Variants in PCDH15 observed in about 807,000 individuals in gnomAD.
PCDH15 encodes the protein protocadherin related 15, also known as protocadherin-15.
A neutral mutation model predicts 178.5 loss-of-function variants in PCDH15; 129 were observed. The ratio of observed to expected loss-of-function variants is 0.72; its 90% CI spans 0.63 to 0.84. PCDH15 has a LOEUF of 0.84. Ranked by LOEUF, PCDH15 falls within the 40% of genes least tolerant of loss-of-function variation. The pLI is 0.00. For synonymous variants in PCDH15, 800 were observed against 732.0 expected (o/e 1.09, Z -1.50); for missense variants, 2,230 against 2,099.9 (o/e 1.06, Z -1.21).
At chr10:55,543,139 G>T (rs914144916) in intron 2 of PCDH15, among the ~76,000 whole-genome samples, 30 of 146,116 alleles carry the variant, frequency 2.1e-4, no homozygotes, top group Non-Finnish European at 3.6e-4. Context: ...GTCTATATAG[G>T]TACATACAGA....
At chr10:54,977,185 A>C (rs1374276461) in intron 2 of PCDH15, among the ~76,000 whole-genome samples, 2 of 152,192 alleles carry the variant, frequency 1.3e-5, no homozygotes, top group African/African-American at 2.4e-5. Context: ...TCCATCTTGC[A>C]TAGGGTCTGG....
chr10:54,468,515 T>C (rs1225886459), intron 3 of PCDH15, among the ~76,000 whole-genome samples: 1 of 152,108 alleles, frequency 6.6e-6, no homozygotes, highest in East Asian at 1.9e-4. Context: ...GAGAAGATAC[T>C]TGGTATATTT....
intron 2 of PCDH15, among the ~76,000 whole-genome samples, chr10:54,929,772 T>C (rs927902117): frequency 1.3e-5 from 2 of 152,212 alleles, no homozygotes; most frequent in African/African-American, 4.8e-5. Flanking sequence ...CTATCTCACA[T>C]AGCAACAATC....
rs147573757 is a variant in PCDH15 at position 53,947,554 on chromosome 10, TA to T, written c.3123-6580del. ...TTTAATAAAAATGGGAAGGGAAGAATAAAAAAAAAACACCCACTAGAACTCC... is the reference window on the plus strand; with the variant it reads ...TTTAATAAAAATGGGAAGGGAAGAATAAAAAAAAACACCCACTAGAACTCC... On this transcript the variant is annotated intron_variant, in intron 23 of 37. Transcript: ENST00000644397. Among the ~76,000 whole-genome samples the T allele has an allele frequency of 1.5e-3, 226 of 147,036 alleles. 2 individuals carry two copies. The highest frequency in any genetic ancestry group is 5.2e-3 in the African/African-American group (211 of 40,252).
intron 18 of PCDH15, among the ~76,000 whole-genome samples, chr10:54,050,094 T>A (rs2093736157): frequency 6.6e-6 from 1 of 152,050 alleles, no homozygotes; most frequent in South Asian, 2.1e-4. Flanking sequence ...TAGGGTGGAG[T>A]CCCTCCTACT....
chr10:54,211,745 A>T (rs570493904), intron 10 of PCDH15, among the ~76,000 whole-genome samples: 1 of 152,082 alleles, frequency 6.6e-6, no homozygotes, highest in Non-Finnish European at 1.5e-5. Flanking sequence ...TTATTAAAGT[A>T]AAAAGAGAGA....
intron 1 of PCDH15, among the ~76,000 whole-genome samples, chr10:54,772,124 T>G (rs1299294956): frequency 6.6e-6 from 1 of 152,142 alleles, no homozygotes; most frequent in Admixed American, 6.6e-5. Flanking sequence ...ATAAAAGAAA[T>G]GGAAATTTAC....
chr10:55,264,052 T>A (rs1471129025), intron 1 of PCDH15, among the ~76,000 whole-genome samples: 1 of 152,032 alleles, frequency 6.6e-6, no homozygotes, highest in Non-Finnish European at 1.5e-5. Context: ...CTTTTCTAAG[T>A]GAGGGGGCTC....
chr10:55,389,786 C>G (rs1396977181), intron 2 of PCDH15, among the ~76,000 whole-genome samples: 2 of 152,060 alleles, frequency 1.3e-5, no homozygotes, highest in Admixed American at 6.6e-5. Context: ...AAAGTCCTAT[C>G]TTTGAAGCTC....
chr10:54,729,475 T>C (rs1159572369), intron 1 of PCDH15, among the ~76,000 whole-genome samples: 1 of 151,514 alleles, frequency 6.6e-6, no homozygotes, highest in Non-Finnish European at 1.5e-5. Flanking sequence ...ATCTAGAAAA[T>C]ACTAGACATT....
intron 3 of PCDH15, among the ~76,000 whole-genome samples, chr10:54,444,323 A>G (rs1469423166): frequency 6.6e-6 from 1 of 151,684 alleles, no homozygotes; most frequent in Non-Finnish European, 1.5e-5. Flanking sequence ...CACATAGACT[A>G]TAGTGTGCAT....
intron 1 of PCDH15, among the ~76,000 whole-genome samples, chr10:54,744,541 T>C (rs1376900021): frequency 6.6e-6 from 1 of 152,070 alleles, no homozygotes; most frequent in African/African-American, 2.4e-5. Context: ...ATGTGGAAAT[T>C]GTGAAGTATC....
At chr10:53,989,457 T>G (rs562405299) in intron 21 of PCDH15, among the ~76,000 whole-genome samples, 1 of 152,266 alleles carries the variant, frequency 6.6e-6, no homozygotes, top group East Asian at 1.9e-4. Context: ...TCACTAAGCC[T>G]TCCCTTTTAT....
At chr10:54,558,710 A>C (rs1486980573) in intron 2 of PCDH15, among the ~76,000 whole-genome samples, 2 of 152,076 alleles carry the variant, frequency 1.3e-5, no homozygotes, top group African/African-American at 4.8e-5. Flanking sequence ...TATTACTATT[A>C]ATACTACTAT....
chr10:55,341,852 A>C (rs1844608707), intron 2 of PCDH15, among the ~76,000 whole-genome samples: 1 of 117,690 alleles, frequency 8.5e-6, no homozygotes, highest in Admixed American at 1.1e-4. Context: ...GGGTTTCACC[A>C]TGTTGCCCAG....
chr10:54,030,073 A>T (rs1269573213), intron 18 of PCDH15, among the ~76,000 whole-genome samples: 5 of 152,138 alleles, frequency 3.3e-5, no homozygotes, highest in Non-Finnish European at 7.4e-5. Context: ...TATGACAAAA[A>T]TCAGCCCCAA....
intron 2 of PCDH15, among the ~76,000 whole-genome samples, chr10:54,930,074 TA>T (rs1405449739): frequency 1.5e-4 from 23 of 152,262 alleles, no homozygotes; most frequent in African/African-American, 5.5e-4. Context: ...GCTGTGCCAA[TA>T]GTAAAAGTCT....
At chr10:55,178,947 C>G (rs186706438) in intron 1 of PCDH15, among the ~76,000 whole-genome samples, 5 of 152,294 alleles carry the variant, frequency 3.3e-5, no homozygotes, top group African/African-American at 9.6e-5. Context: ...TGAAACTGCT[C>G]TGGCCACAAC....
chr10:55,292,873 G>C (rs1179709169), intron 1 of PCDH15, among the ~76,000 whole-genome samples: 1 of 152,194 alleles, frequency 6.6e-6, no homozygotes, highest in Non-Finnish European at 1.5e-5. Context: ...CAGGCAAACA[G>C]TGCAAGCTGT....
Sources: allele counts gnomAD v4.1 joint callset (sites outside exome capture counted in the v4.1 genomes callset), GRCh38; gene constraint gnomAD v4.1.1; transcripts MANE v1.5; gene names NCBI Gene and HGNC (gene_info 2026-07-23, HGNC 2026-07-21).